Variants in GPATCH3 observed in about 807,000 individuals in gnomAD.
GPATCH3 encodes G patch domain-containing protein 3.
A neutral mutation model predicts 53.2 loss-of-function variants in GPATCH3; 45 were observed. The ratio of observed to expected loss-of-function variants is 0.85; its 90% confidence interval spans 0.67 to 1.08. GPATCH3 has a LOEUF of 1.08. GPATCH3 is among the 50% of genes least tolerant of loss of function. The pLI, the probability that GPATCH3 is intolerant of heterozygous loss-of-function variation, is 0.00. For synonymous variants in GPATCH3, 280 were observed against 270.6 expected, an observed-to-expected ratio of 1.03 and a Z score of -0.34; for missense variants, 680 against 687.2, an observed-to-expected ratio of 0.99 and a Z score of 0.12.
chr1:26,892,542 C>T lies in GPATCH3; in HGVS notation c.1234-4G>A. 6.2e-7 allele frequency: 1 copy of T among 1,610,816 alleles called. No individual in the cohort carries two copies. Among genetic ancestry groups the T allele is most frequent in the Non-Finnish European group, 8.5e-7 (1 of 1,177,244 alleles). On this transcript the variant is annotated splice_region_variant and splice_polypyrimidine_tract_variant and intron_variant, in intron 5 of 6. Transcript: ENST00000361720. ...CCATCACCTTCCGCCCAATGCCCTG[C>T]AGAGTGAAGGGACAAGACTCAAGAA...
Position 26,900,161 on chromosome 1 carries a change from A to G in GPATCH3, c.282T>C (p.Ser94=), listed in dbSNP as rs369339374. Reference sequence around the variant, plus strand: ...AGCAGGTGCGGGTCTGGATTGGAGTAGAGTCTCGAGTGGAGAGAGGCCGGA... The same window carrying G: ...AGCAGGTGCGGGTCTGGATTGGAGTGGAGTCTCGAGTGGAGAGAGGCCGGA... ...TDVRPLSTRD[S]TPIQTRTCCC... The change falls in exon 1 of 7, where the codon TCT becomes TCC. Residue 94 remains serine (S), a synonymous_variant. Coordinates refer to ENST00000361720, the MANE Select transcript of GPATCH3 (RefSeq NM_022078.3). 1.4e-5 allele frequency: 23 copies of G among 1,614,018 alleles called. No individual in the cohort carries two copies. Among genetic ancestry groups the G allele is most frequent in the African/African-American group, 2.7e-5 (2 of 74,916 alleles).
At position 26,897,554 on chromosome 1, in the gene GPATCH3, G is replaced by A. The variant is rs777828056; in HGVS notation, c.623C>T (p.Ala208Val). The change falls in exon 2 of 7, where the codon GCC (alanine) becomes GTC (valine). Residue 208 changes from alanine to valine, a missense_variant. By Grantham distance (64) the Ala-to-Val change is moderately conservative. Coordinates refer to ENST00000361720, the MANE Select transcript of GPATCH3 (RefSeq NM_022078.3). Reference sequence around the variant, plus strand: ...GATGATCCGAGGGGGTAGGCGGCAGGCCCGGATCAACTCCAAAAAGACCCG... The same window carrying A: ...GATGATCCGAGGGGGTAGGCGGCAGACCCGGATCAACTCCAAAAAGACCCG... Reference protein sequence around the residue: ...PLRVFLELIRACRLPPRIITQ... With the variant: ...PLRVFLELIRVCRLPPRIITQ... 5.0e-6 allele frequency: 8 copies of A among 1,614,040 alleles called. No homozygotes were observed. The Admixed American group carries it at 1.0e-4, about 20-fold the overall frequency.
chr1:26,892,917 A>G, intron 4 of GPATCH3, 126 bp from the exon 5 acceptor site: 1 of 1,187,584 alleles, frequency 8.4e-7, no homozygotes, highest in Non-Finnish European at 1.2e-6. Flanking sequence ...CTCTCATTAG[A>G]CTGGGAGCTC....
At chr1:26,892,070 T>C (rs925048703) in intron 6 of GPATCH3, among the ~76,000 whole-genome samples, 1 of 152,134 alleles carries the variant, frequency 6.6e-6, no homozygotes, top group African/African-American at 2.4e-5. Flanking sequence ...CTCTAACTCC[T>C]GACCTCAAAT....
At chr1:26,891,833 G>C (rs1024318915) in intron 6 of GPATCH3, among the ~76,000 whole-genome samples, 1 of 152,032 alleles carries the variant, frequency 6.6e-6, no homozygotes, top group African/African-American at 2.4e-5. Flanking sequence ...TCAGCCTCCT[G>C]AGTAGCTGGG....
intron 1 of GPATCH3, 126 bp downstream of exon 1, chr1:26,899,866 C>G (rs994420357): frequency 1.2e-6 from 1 of 813,556 alleles, no homozygotes; most frequent in Non-Finnish European, 1.9e-6. Flanking sequence ...GCCTGAAGCT[C>G]TGTCTAGAAT....
intron 3 of GPATCH3, among the ~76,000 whole-genome samples, chr1:26,893,816 G>A (rs1192683367): frequency 6.6e-6 from 1 of 152,116 alleles, no homozygotes; most frequent in African/African-American, 2.4e-5. Flanking sequence ...ACTGCACCCA[G>A]CGGGGCATTT....
At chr1:26,898,161 A>G (rs1202642197) in intron 1 of GPATCH3, among the ~76,000 whole-genome samples, 2 of 151,876 alleles carry the variant, frequency 1.3e-5, no homozygotes, top group Non-Finnish European at 2.9e-5. Context: ...AATAAAATAA[A>G]TCCATTAGCC....
chr1:26,893,741 G>A (rs146866274), intron 3 of GPATCH3, among the ~76,000 whole-genome samples: 88 of 152,038 alleles, frequency 5.8e-4, no homozygotes, highest in African/African-American at 2.0e-3. Context: ...GGACGGTCTC[G>A]ATCTCTTGAC....
chr1:26,897,141 C>T (rs2081954493), intron 2 of GPATCH3, among the ~76,000 whole-genome samples, 160 bp downstream of exon 2: 1 of 152,192 alleles, frequency 6.6e-6, no homozygotes, highest in African/African-American at 2.4e-5. Context: ...TACAGAAACA[C>T]ACATGCAAAT....
In GPATCH3 at chr1:26,894,382, C is replaced by A. The variant is rs143131895; in HGVS notation, c.905G>T (p.Arg302Leu). 359 of 1,614,072 alleles carry A rather than the reference C, an allele frequency of 2.2e-4. 1 individual carries two copies. In the African/African-American group the frequency reaches 3.5e-3, roughly 16 times the overall value. ...EDDDRGEEWE[R>L]HEALHEDVTG... is the part of the protein sequence containing the mutation. ...CACGTCCTCATGCAGCGCTTCATGC[C>A]GTTCCCATTCCTCACCCCGGTCATC... is the stretch of plus-strand genomic sequence containing the variant. The change falls in exon 3 of 7, where the codon CGG becomes CTG. Residue 302 changes from arginine to leucine, a missense_variant. Physicochemically the swap from Arg to Leu is moderately radical, Grantham distance 102 (BLOSUM62 -2). Transcript: ENST00000361720.
Position 26,890,928 on chromosome 1 carries a change from G to A in GPATCH3, c.*82C>T. The A allele has an allele frequency of 2.3e-6, 3 of 1,288,182 alleles. No individual in the cohort carries two copies. Among genetic ancestry groups the A allele is most frequent in the South Asian group, 2.4e-5 (2 of 84,144 alleles). 79.8% of individuals were successfully genotyped at this position (1,288,182 alleles called of 1,614,324 possible). ...CCAGCCACGAAGACTGCTGCTCCCA[G>A]ACTCCTTTCTGCTTCAGTGGTAGAT... is the stretch of plus-strand genomic sequence containing the variant. On this transcript the variant is annotated 3_prime_UTR_variant, in exon 7 of 7. Transcript: ENST00000361720.
rs751632076 is a variant in GPATCH3 at position 26,894,243 on chromosome 1, T to G, written c.1044A>C (p.Glu348Asp). The G allele has an allele frequency of 3.0e-5, 49 of 1,613,932 alleles. No individual in the cohort carries two copies. Among genetic ancestry groups the G allele is most frequent in the Non-Finnish European group, 4.1e-5 (48 of 1,179,918 alleles). ...CCTGGGTACCAGCATTACCTCCTTC[T>G]TCCTCCTGCCAGAACTGGGCATCAG... ...FYTDAQFWQE[E>D]EGDFDEQTAD... is the part of the protein sequence containing the mutation. The change falls in exon 3 of 7, where the codon GAA (glutamate) becomes GAC (aspartate). Residue 348 changes from glutamate to aspartate, a missense_variant. By Grantham distance (45) the Glu-to-Asp change is conservative (BLOSUM62 2). Coordinates refer to ENST00000361720, the MANE Select transcript of GPATCH3 (RefSeq NM_022078.3).
At position 26,900,371 on chromosome 1, in the gene GPATCH3, C is replaced by G; in HGVS notation, c.72G>C (p.Leu24Phe). 6.2e-7 allele frequency: 1 copy of G among 1,614,020 alleles called. No individual in the cohort carries two copies. The change falls in exon 1 of 7, where the codon TTG becomes TTC. Residue 24 changes from leucine (L) to phenylalanine (F), a missense_variant. By Grantham distance (22) the Leu-to-Phe change is conservative (BLOSUM62 0). Coordinates refer to ENST00000361720, the MANE Select transcript of GPATCH3 (RefSeq NM_022078.3). ...YLVVSGIPSVLRSAHLRSYFS... is the reference protein window; with the variant it reads ...YLVVSGIPSVFRSAHLRSYFS... ...AATAGCTCCGTAAATGGGCCGAGCG[C>G]AACACGGAGGGGATACCGCTCACTA... is the stretch of plus-strand genomic sequence containing the variant.
Position 26,890,947 on chromosome 1 carries a change from G to T in GPATCH3, c.*63C>A. ...CTCCCAGACTCCTTTCTGCTTCAGT[G>T]GTAGATGAGGCCAGGGCAGAGGGTT... is the stretch of plus-strand genomic sequence containing the variant. On this transcript the variant is annotated 3_prime_UTR_variant, in exon 7 of 7. Coordinates refer to ENST00000361720, the MANE Select transcript of GPATCH3 (RefSeq NM_022078.3). The T allele has an allele frequency of 7.0e-7, 1 of 1,433,238 alleles. No homozygotes were observed. Among genetic ancestry groups the T allele is most frequent in the Non-Finnish European group, 9.8e-7 (1 of 1,015,908 alleles). The allele number at this position is 1,433,238 out of a possible 1,614,324, so 88.8% of individuals were successfully genotyped here. A position where few individuals can be genotyped will look rare whatever the true frequency, so the allele number is the denominator to read the frequency against.
chr1:26,890,760 C>A lies in GPATCH3; in HGVS notation c.*250G>T. 1.4e-6 allele frequency: 1 copy of A among 715,270 alleles called. No homozygotes were observed. The highest frequency in any genetic ancestry group is 2.6e-6 in the Non-Finnish European group (1 of 379,998). The allele number at this position is 715,270 out of a possible 1,614,324, so 44.3% of individuals were successfully genotyped here. The stretch of plus-strand genomic sequence containing the variant: ...AGTTCTGCAGGAGGCAAAGGGCAAG[C>A]CCAGAGATTAGGGTTAGAGACCAAA... On this transcript the variant is annotated 3_prime_UTR_variant, in exon 7 of 7. Coordinates refer to ENST00000361720, the MANE Select transcript of GPATCH3 (RefSeq NM_022078.3).
chr1:26,892,844 G>T, intron 4 of GPATCH3, 53 bp from the exon 5 acceptor site: 2 of 1,598,370 alleles, frequency 1.3e-6, no homozygotes, highest in South Asian at 2.2e-5. Context: ...GAAGGGGGAA[G>T]AATCAGGTTT....
In GPATCH3 at chr1:26,893,817, C is replaced by T. The variant is rs972718166; in HGVS notation, c.1052-369G>A. Among the ~76,000 whole-genome samples, 13 of 152,162 alleles carry T rather than the reference C, an allele frequency of 8.5e-5. No homozygotes were observed. In the East Asian group the frequency reaches 2.3e-3, roughly 27 times the overall value. ...TACAGGCGTGAGCCACTGCACCCAG[C>T]GGGGCATTTGTTTGTTTTAGAGAAG... On this transcript the variant is annotated intron_variant, in intron 3 of 6. Coordinates refer to ENST00000361720, the MANE Select transcript of GPATCH3 (RefSeq NM_022078.3).
In GPATCH3 at chr1:26,897,375, T is replaced by C. The variant is rs758865715; in HGVS notation, c.802A>G (p.Ile268Val). ...EIPQGTYLADIPASPCGEPEE... is the reference protein window; with the variant it reads ...EIPQGTYLADVPASPCGEPEE... ...GGCTCTCCACAGGGGCTGGCTGGTA[T>C]ATCTGCCAGGTAGGTTCCTTGGGGT... The change falls in exon 2 of 7, where the codon ATA (isoleucine) becomes GTA (valine). Residue 268 changes from isoleucine (I) to valine (V), a missense_variant. Physicochemically the swap from Ile to Val is conservative, Grantham distance 29 (BLOSUM62 3). Transcript: ENST00000361720. 1.2e-6 allele frequency: 2 copies of C among 1,614,220 alleles called. No individual in the cohort carries two copies. The highest frequency in any genetic ancestry group is 1.1e-5 in the South Asian group (1 of 91,088).
Sources: allele counts gnomAD v4.1 joint callset (sites outside exome capture counted in the v4.1 genomes callset), GRCh38; gene constraint gnomAD v4.1.1; transcripts MANE v1.5; gene names NCBI Gene and HGNC (gene_info 2026-07-23, HGNC 2026-07-21).